STRADB: variants seen among roughly 807,000 people sequenced by gnomAD.
The protein encoded by STRADB is STE20-related kinase adapter protein beta.
Under a neutral mutation model 52.1 loss-of-function variants are expected in STRADB, and 34 were observed. That is an observed-to-expected ratio of 0.65 (90% CI 0.50 to 0.87). The LOEUF (loss-of-function observed/expected upper bound fraction) is 0.87, where lower values mean the gene tolerates loss of function less well. Among genes scored for constraint, STRADB ranks in the 40% least tolerant of loss-of-function variants. The probability of loss-of-function intolerance (pLI) is 0.00; values close to 1 mark genes in which losing one functional copy is unlikely to be tolerated. For synonymous variants in STRADB, 133 were observed against 174.5 expected, an observed-to-expected ratio of 0.76 and a Z score of 1.87; for missense variants, 340 against 483.9, an observed-to-expected ratio of 0.70 and a Z score of 2.79.
intron 7 of STRADB, among the ~76,000 whole-genome samples, chr2:201,477,178 C>T (rs955576355): frequency 8.4e-5 from 12 of 142,824 alleles, no homozygotes; most frequent in Admixed American, 8.2e-4. Context: ...CATTCTCCTG[C>T]CTCAGCCTCC....
chr2:201,472,907 T>A (rs1217564948), intron 4 of STRADB, 48 bp from the exon 5 acceptor site: 1 of 1,528,182 alleles, frequency 6.5e-7, no homozygotes, highest in African/African-American at 1.4e-5. Flanking sequence ...AAATTGTCAG[T>A]TTTTTTTCTT....
At chr2:201,453,803 T>G (rs1250386481) in intron 1 of STRADB, among the ~76,000 whole-genome samples, 1 of 152,186 alleles carries the variant, frequency 6.6e-6, no homozygotes, top group Non-Finnish European at 1.5e-5. Flanking sequence ...TTCCTCCTTT[T>G]GCAGCACAGC....
chr2:201,474,158 G>T (rs1433688758), intron 5 of STRADB, among the ~76,000 whole-genome samples: 1 of 152,052 alleles, frequency 6.6e-6, no homozygotes, highest in African/African-American at 2.4e-5. Flanking sequence ...CCAAAGTGCT[G>T]GGATTACAGG....
intron 3 of STRADB, among the ~76,000 whole-genome samples, chr2:201,468,127 A>G (rs899942204): frequency 3.7e-5 from 5 of 135,582 alleles, no homozygotes; most frequent in African/African-American, 5.4e-5. Context: ...GCTATGCCCA[A>G]CAATGCATGA....
intron 3 of STRADB, among the ~76,000 whole-genome samples, chr2:201,469,149 G>T (rs1216149300): frequency 6.6e-6 from 1 of 152,140 alleles, no homozygotes; most frequent in African/African-American, 2.4e-5. Flanking sequence ...CCAAGAATGT[G>T]AAAAGGAGTT....
At chr2:201,457,218 G>C (rs548072603) in intron 2 of STRADB, among the ~76,000 whole-genome samples, 8 of 152,262 alleles carry the variant, frequency 5.3e-5, no homozygotes, top group African/African-American at 1.9e-4. Context: ...TTGCACAGTG[G>C]TATTAATGGT....
chr2:201,478,242 C>T, intron 9 of STRADB, 51 bp downstream of exon 9: 2 of 1,590,770 alleles, frequency 1.3e-6, no homozygotes, highest in Non-Finnish European at 1.7e-6. Flanking sequence ...AGACTGCTTA[C>T]ATTCTAGATA....
intron 2 of STRADB, 99 bp downstream of exon 2, chr2:201,454,951 A>G (rs1402600832): frequency 2.9e-6 from 3 of 1,051,648 alleles, no homozygotes; most frequent in Non-Finnish European, 4.2e-6. Flanking sequence ...GGATATTCTT[A>G]TGCTCTGAGA....
At chr2:201,474,475 CATA>C (rs1952441047) in intron 5 of STRADB, 169 bp from the exon 6 acceptor site, 1 of 520,248 alleles carries the variant, frequency 1.9e-6, no homozygotes, top group African/African-American at 2.0e-5. Context: ...AAATGGGAAT[CATA>C]ATATCACATA....
chr2:201,462,407 T>TG (rs1294459185), intron 3 of STRADB, among the ~76,000 whole-genome samples: 1 of 152,210 alleles, frequency 6.6e-6, no homozygotes, highest in Admixed American at 6.5e-5. Flanking sequence ...CATTCAGTGT[T>TG]ATGATTGATA....
intron 10 of STRADB, 26 bp downstream of exon 10, chr2:201,478,627 A>T (rs193220176): frequency 2.2e-5 from 36 of 1,604,194 alleles, no homozygotes; most frequent in Non-Finnish European, 8.5e-7. Context: ...TTTAAATAGC[A>T]CAAAATGTAC....
rs772449883 is a variant in STRADB at position 201,478,445 on chromosome 2, A to G, written c.914A>G (p.Gln305Arg). Reference protein sequence around the residue: ...PQSESRMKNSQSGVDSGIGES... With the variant: ...PQSESRMKNSRSGVDSGIGES... ...TCAGAATCCAGAATGAAAAATTCCC[A>G]GTCAGGTGTAGACTCTGGGATTGGA... The change falls in exon 10 of 12, where the codon CAG becomes CGG. Residue 305 changes from glutamine (Q) to arginine (R), a missense_variant. Transcript: ENST00000194530. 6.2e-7 allele frequency: 1 copy of G among 1,614,118 alleles called. No individual in the cohort carries two copies. The highest frequency in any genetic ancestry group is 8.5e-7 in the Non-Finnish European group (1 of 1,180,020).
At chr2:201,456,223 A>G (rs1298647945) in intron 2 of STRADB, among the ~76,000 whole-genome samples, 2 of 152,232 alleles carry the variant, frequency 1.3e-5, no homozygotes, top group South Asian at 2.1e-4. Flanking sequence ...TCACAAAAAC[A>G]GGTGGTGGGT....
intron 2 of STRADB, among the ~76,000 whole-genome samples, chr2:201,457,120 C>T (rs1313648003): frequency 6.6e-6 from 1 of 152,200 alleles, no homozygotes; most frequent in Non-Finnish European, 1.5e-5. Context: ...TCTGCAAAAT[C>T]CCAGTTCCCA....
intron 10 of STRADB, chr2:201,479,004 C>A: frequency 5.0e-6 from 1 of 199,266 alleles, no homozygotes; most frequent in South Asian, 9.2e-5. Flanking sequence ...ACCCAGTAAG[C>A]AGAGGTTGCA....
At chr2:201,461,575 T>A (rs1952217091) in intron 3 of STRADB, among the ~76,000 whole-genome samples, 1 of 152,156 alleles carries the variant, frequency 6.6e-6, no homozygotes, top group South Asian at 2.1e-4. Flanking sequence ...CCTTATATAT[T>A]CTGGTTATTA....
intron 7 of STRADB, among the ~76,000 whole-genome samples, chr2:201,476,921 G>A (rs113028468): frequency 0.033 from 4,247 of 130,386 alleles, 239 homozygotes; most frequent in African/African-American, 0.12. Context: ...GGTGAAGGTT[G>A]CAGTAAGCCA....
rs374206875 is a variant in STRADB, at chr2:201,472,161, A to G, written c.194-794A>G. ...GCTCTTATACATTGTTTGTGGGAAT[A>G]TGAAATGATTCAGCCACTTTTGAAA... On this transcript the variant is annotated intron_variant, in intron 4 of 11. Transcript: ENST00000194530. Among the ~76,000 whole-genome samples, 395 of 152,336 alleles carry G rather than the reference A, an allele frequency of 2.6e-3. 2 individuals are homozygous for G. The highest frequency in any genetic ancestry group is 8.8e-3 in the African/African-American group (365 of 41,588).
intron 3 of STRADB, among the ~76,000 whole-genome samples, chr2:201,462,374 C>G (rs1952229438): frequency 6.6e-6 from 1 of 152,134 alleles, no homozygotes; most frequent in African/African-American, 2.4e-5. Flanking sequence ...TATGTCTATT[C>G]ATTGGAGAGT....
Sources: gnomAD v4.1 joint callset for allele counts (sites outside exome capture counted in the v4.1 genomes callset) on GRCh38, gnomAD v4.1.1 for gene constraint, MANE v1.5 for transcripts, NCBI Gene and HGNC (gene_info 2026-07-23, HGNC 2026-07-21) for gene names.